RAB27A: variants seen among roughly 807,000 people sequenced by gnomAD.
The protein encoded by RAB27A is RAB27A, member RAS oncogene family.
Under a neutral mutation model 20.8 loss-of-function variants are expected in RAB27A, and 17 were observed. The ratio of observed to expected loss-of-function variants is 0.82; its 90% confidence interval spans 0.56 to 1.23. RAB27A has a LOEUF of 1.23. Among genes scored for constraint, RAB27A ranks in the 50% most tolerant of loss-of-function variants. RAB27A has a pLI of 0.00. For synonymous variants in RAB27A, 85 were observed against 92.8 expected (o/e 0.92, Z 0.48); for missense variants, 277 against 266.7 (o/e 1.04, Z -0.27).
chr15:55,295,898 AC>A (rs1013145067), intron 2 of RAB27A, among the ~76,000 whole-genome samples: 2 of 148,256 alleles, frequency 1.3e-5, no homozygotes, highest in African/African-American at 5.0e-5. Flanking sequence ...AAGAACCAAT[AC>A]TTTTTTTTTT....
chr15:55,274,166 C>G (rs928693179), intron 1 of RAB27A, among the ~76,000 whole-genome samples: 3 of 151,990 alleles, frequency 2.0e-5, no homozygotes, highest in Non-Finnish European at 4.4e-5. Flanking sequence ...CAAATAAAAT[C>G]AAAAGGAATT....
intron 2 of RAB27A, among the ~76,000 whole-genome samples, chr15:55,311,325 A>G (rs1174143571): frequency 6.6e-6 from 1 of 152,190 alleles, no homozygotes; most frequent in East Asian, 1.9e-4. Flanking sequence ...ATTTGCTTTA[A>G]GTCTGAGAGA....
intron 3 of RAB27A, among the ~76,000 whole-genome samples, chr15:55,233,845 A>G (rs769938990): frequency 6.6e-6 from 1 of 152,222 alleles, no homozygotes; most frequent in Non-Finnish European, 1.5e-5. Context: ...AAGTTATACA[A>G]TAAGTAACCA....
intron 2 of RAB27A, among the ~76,000 whole-genome samples, chr15:55,243,178 C>A (rs890384228): frequency 6.6e-6 from 1 of 152,102 alleles, no homozygotes. Flanking sequence ...CTGCTTCTTG[C>A]TGGTCATTGC....
intron 2 of RAB27A, among the ~76,000 whole-genome samples, chr15:55,248,764 A>T (rs1382933617): frequency 6.6e-6 from 1 of 152,192 alleles, no homozygotes; most frequent in Non-Finnish European, 1.5e-5. Flanking sequence ...AATACCACTA[A>T]ATCAATGATG....
upstream of RAB27A, among the ~76,000 whole-genome samples, chr15:55,292,111 G>C (rs939065798): frequency 1.3e-5 from 2 of 152,170 alleles, no homozygotes; most frequent in African/African-American, 4.8e-5. Flanking sequence ...AAAGCAATCA[G>C]AAAAGAAAAT....
chr15:55,299,657 G>C (rs1219157500), intron 2 of RAB27A, among the ~76,000 whole-genome samples: 1 of 149,748 alleles, frequency 6.7e-6, no homozygotes, highest in Non-Finnish European at 1.5e-5. Context: ...CCAGAATAAA[G>C]GAAACAAGAG....
At chr15:55,275,373 T>A (rs1897835001) in intron 1 of RAB27A, among the ~76,000 whole-genome samples, 1 of 152,046 alleles carries the variant, frequency 6.6e-6, no homozygotes, top group African/African-American at 2.4e-5. Context: ...ACACCTATAA[T>A]CCCAGCAGTT....
At chr15:55,221,533 C>A (rs1027100980) in intron 6 of RAB27A, among the ~76,000 whole-genome samples, 1 of 152,160 alleles carries the variant, frequency 6.6e-6, no homozygotes, top group Admixed American at 6.5e-5. Context: ...TCAGAATCAC[C>A]TAAGTCACTG....
Position 55,296,955 on chromosome 15 carries a change from G to A in RAB27A, c.-112+17084C>T, listed in dbSNP as rs78503097. Among the ~76,000 whole-genome samples, 293 of 152,232 alleles carry A rather than the reference G, an allele frequency of 1.9e-3. 2 individuals carry two copies. The highest frequency in any genetic ancestry group is 6.9e-3 in the African/African-American group (287 of 41,540). On this transcript the variant is annotated intron_variant, in intron 2 of 5. Coordinates refer to the RAB27A transcript ENST00000563262. ...CAGGGCACTGTCAACCTAAAAAAAA[G>A]ACATCAGAAAAAAATATTTCATAAT... is the stretch of plus-strand genomic sequence containing the variant.
chr15:55,238,421 G>A (rs959013977), intron 2 of RAB27A: 1 of 152,142 alleles, frequency 6.6e-6, no homozygotes, highest in Non-Finnish European at 1.5e-5. Context: ...GCAGAGCTGG[G>A]TTTGAATCCC....
intron 2 of RAB27A, among the ~76,000 whole-genome samples, chr15:55,298,445 G>C (rs573386085): frequency 7.9e-4 from 121 of 152,238 alleles, no homozygotes; most frequent in Middle Eastern, 6.8e-3. Flanking sequence ...CAAAAGGGGA[G>C]GGAGTGTGTG....
intron 2 of RAB27A, among the ~76,000 whole-genome samples, chr15:55,300,900 G>A (rs1258253587): frequency 6.6e-6 from 1 of 152,034 alleles, no homozygotes; most frequent in Non-Finnish European, 1.5e-5. Flanking sequence ...TCCACCCCTG[G>A]GGAAGGACTC....
chr15:55,254,158 A>G (rs1477847591), intron 2 of RAB27A, among the ~76,000 whole-genome samples: 1 of 152,214 alleles, frequency 6.6e-6, no homozygotes, highest in Non-Finnish European at 1.5e-5. Flanking sequence ...GACTTTATAT[A>G]CCAACAAATT....
At chr15:55,210,367 C>G (rs1039819210) in intron 6 of RAB27A, among the ~76,000 whole-genome samples, 2 of 146,736 alleles carry the variant, frequency 1.4e-5, no homozygotes, top group Non-Finnish European at 3.0e-5. Context: ...GTTCACCTTT[C>G]TCTGCATCCT....
intron 2 of RAB27A, among the ~76,000 whole-genome samples, chr15:55,261,632 T>C (rs1201442231): frequency 7.0e-6 from 1 of 142,796 alleles, no homozygotes; most frequent in Non-Finnish European, 1.5e-5. Context: ...TCCCAGCTAC[T>C]TGGGAGGCTA....
At chr15:55,310,364 G>A (rs562944673) in intron 2 of RAB27A, among the ~76,000 whole-genome samples, 6 of 152,156 alleles carry the variant, frequency 3.9e-5, no homozygotes, top group Non-Finnish European at 8.8e-5. Flanking sequence ...GATGGCATGG[G>A]CTGGCACTTG....
chr15:55,243,626 CAA>C (rs397948720), intron 2 of RAB27A, among the ~76,000 whole-genome samples: 2 of 138,214 alleles, frequency 1.4e-5, no homozygotes, highest in Non-Finnish European at 1.6e-5. Flanking sequence ...GACTCTATCT[CAA>C]AAAAAAAAAA....
At chr15:55,233,670 C>G (rs1896136896) in intron 3 of RAB27A, among the ~76,000 whole-genome samples, 1 of 152,020 alleles carries the variant, frequency 6.6e-6, no homozygotes, top group Non-Finnish European at 1.5e-5. Flanking sequence ...AGAGGAATGC[C>G]TGCTAATAGG....
Sources: allele counts gnomAD v4.1 joint callset (sites outside exome capture counted in the v4.1 genomes callset), GRCh38; gene constraint gnomAD v4.1.1; transcripts MANE v1.5; gene names NCBI Gene and HGNC (gene_info 2026-07-23, HGNC 2026-07-21).